The following NALF1 variants were observed in gnomAD, a reference collection of about 807,000 sequenced individuals.
NALF1 encodes family with sequence similarity 155 member A.
NALF1 carries 3 observed loss-of-function variants against 48.4 expected under a neutral mutation model. The observed-to-expected ratio is 0.06, with a 90% CI of 0.03 to 0.16. The LOEUF (loss-of-function observed/expected upper bound fraction) is 0.16. NALF1 is among the 10% of genes least tolerant of loss of function. The pLI is 1.00. For missense variants in NALF1, 526 were observed against 571.5 expected, an observed-to-expected ratio of 0.92 and a Z score of 0.81; for synonymous variants, 262 against 245.7, an observed-to-expected ratio of 1.07 and a Z score of -0.62.
At chr13:107,285,055 T>C (rs979125600) in intron 1 of NALF1, among the ~76,000 whole-genome samples, 3 of 152,190 alleles carry the variant, frequency 2.0e-5, no homozygotes, top group South Asian at 2.1e-4. Context: ...AATTTGAAGA[T>C]TGAAGCATAG....
chr13:107,769,701 A>G (rs1279226693), intron 1 of NALF1, among the ~76,000 whole-genome samples: 4 of 151,506 alleles, frequency 2.6e-5, no homozygotes, highest in African/African-American at 2.4e-5. Flanking sequence ...AAAAAAAAAA[A>G]AAGAAGAAAT....
intron 1 of NALF1, among the ~76,000 whole-genome samples, chr13:107,224,377 G>A (rs1880058126): frequency 6.7e-6 from 1 of 150,326 alleles, no homozygotes; most frequent in Admixed American, 6.6e-5. Context: ...AATAAGATAT[G>A]TCATTGTATA....
intron 1 of NALF1, among the ~76,000 whole-genome samples, chr13:107,343,825 G>C (rs11840333): frequency 6.6e-6 from 1 of 151,698 alleles, no homozygotes; most frequent in South Asian, 2.1e-4. Context: ...GAAGTAAACA[G>C]GTAGCTAACA....
chr13:107,381,745 G>T (rs1039093647), intron 1 of NALF1, among the ~76,000 whole-genome samples: 1 of 152,156 alleles, frequency 6.6e-6, no homozygotes, highest in Non-Finnish European at 1.5e-5. Flanking sequence ...CTCGACTCTT[G>T]CTTGTGCTTA....
At chr13:107,732,716 C>T (rs1016673033) in intron 1 of NALF1, among the ~76,000 whole-genome samples, 1 of 152,154 alleles carries the variant, frequency 6.6e-6, no homozygotes, top group African/African-American at 2.4e-5. Context: ...ATAGTGAGAT[C>T]TGTAGGTTTC....
intron 1 of NALF1, among the ~76,000 whole-genome samples, chr13:107,715,831 A>T (rs981318646): frequency 6.6e-6 from 1 of 152,160 alleles, no homozygotes; most frequent in African/African-American, 2.4e-5. Context: ...CCTTTTTTTG[A>T]AATGTTTTTA....
At chr13:107,532,887 C>G (rs1274904410) in intron 1 of NALF1, among the ~76,000 whole-genome samples, 5 of 151,862 alleles carry the variant, frequency 3.3e-5, no homozygotes, top group South Asian at 4.2e-4. Context: ...AATATTGCCA[C>G]CTAGACTTCA....
chr13:107,639,659 A>T (rs571324644), intron 1 of NALF1, among the ~76,000 whole-genome samples: 1 of 152,182 alleles, frequency 6.6e-6, no homozygotes. Flanking sequence ...TTCAGGACAC[A>T]GGTTTGGGGT....
chr13:107,367,760 C>A (rs1435600440), intron 1 of NALF1, among the ~76,000 whole-genome samples: 1 of 152,154 alleles, frequency 6.6e-6, no homozygotes, highest in Non-Finnish European at 1.5e-5. Flanking sequence ...GGGTAAAGAT[C>A]ATTATCCGTT....
chr13:107,261,857 T>C (rs1283145174), intron 1 of NALF1, among the ~76,000 whole-genome samples: 2 of 152,072 alleles, frequency 1.3e-5, no homozygotes, highest in African/African-American at 4.8e-5. Flanking sequence ...TAGAAAGGAA[T>C]CTTTACTATT....
chr13:107,534,362 A>G (rs1377462797), intron 1 of NALF1, among the ~76,000 whole-genome samples: 1 of 152,164 alleles, frequency 6.6e-6, no homozygotes, highest in African/African-American at 2.4e-5. Flanking sequence ...CCTCTAAGAA[A>G]AACTATTTGT....
intron 1 of NALF1, among the ~76,000 whole-genome samples, chr13:107,298,591 C>T (rs1358623988): frequency 2.0e-5 from 3 of 151,704 alleles, no homozygotes; most frequent in Admixed American, 6.6e-5. Context: ...ACCACCACAC[C>T]TGGCTAGTTT....
intron 1 of NALF1, among the ~76,000 whole-genome samples, chr13:107,338,248 T>A (rs1466564351): frequency 1.3e-4 from 20 of 152,148 alleles, no homozygotes; most frequent in Admixed American, 1.1e-3. Context: ...ATTCTTACAA[T>A]CCCCATGGGG....
At chr13:107,811,384 G>A (rs892952201) in intron 1 of NALF1, among the ~76,000 whole-genome samples, 3 of 152,080 alleles carry the variant, frequency 2.0e-5, no homozygotes, top group Non-Finnish European at 2.9e-5. Flanking sequence ...TGAAATAAAT[G>A]TTTCTTTGAC....
chr13:107,468,631 T>C (rs1055701744), intron 1 of NALF1, among the ~76,000 whole-genome samples: 1 of 152,352 alleles, frequency 6.6e-6, no homozygotes, highest in South Asian at 2.1e-4. Context: ...GCTCCGGATA[T>C]AAAATATGTA....
intron 1 of NALF1, among the ~76,000 whole-genome samples, chr13:107,475,962 T>C (rs1422325495): frequency 6.6e-6 from 1 of 151,996 alleles, no homozygotes; most frequent in African/African-American, 2.4e-5. Context: ...GAAAAAGCAA[T>C]CCCAAAACCT....
chr13:107,565,574 AC>A (rs1186805819), intron 1 of NALF1, among the ~76,000 whole-genome samples: 7 of 152,006 alleles, frequency 4.6e-5, no homozygotes, highest in Admixed American at 2.6e-4. Context: ...GAGTTGAATA[AC>A]CTCTTTTCTA....
chr13:107,246,387 A>G (rs749913456), intron 1 of NALF1, among the ~76,000 whole-genome samples: 11 of 149,816 alleles, frequency 7.3e-5, no homozygotes, highest in South Asian at 4.6e-4. Flanking sequence ...AGATAGACTT[A>G]GACTCCTGCT....
intron 1 of NALF1, among the ~76,000 whole-genome samples, chr13:107,857,687 T>C (rs1475017033): frequency 6.6e-6 from 1 of 152,236 alleles, no homozygotes; most frequent in Non-Finnish European, 1.5e-5. Flanking sequence ...TCTACAGTTG[T>C]TCAATAATTG....
Sources: gnomAD v4.1 joint callset for allele counts (sites outside exome capture counted in the v4.1 genomes callset) on GRCh38, gnomAD v4.1.1 for gene constraint, MANE v1.5 for transcripts, NCBI Gene and HGNC (gene_info 2026-07-23, HGNC 2026-07-21) for gene names.